Variants in JUP observed in about 807,000 individuals in gnomAD.
The protein encoded by JUP is catenin (cadherin-associated protein), gamma 80kDa.
In JUP, 28 loss-of-function variants were observed where a neutral mutation model predicts 71.1. The observed-to-expected ratio is 0.39, with a 90% CI of 0.29 to 0.54. JUP has a LOEUF of 0.54. Among genes scored for constraint, JUP ranks in the 20% least tolerant of loss-of-function variants. JUP has a pLI of 0.62. For synonymous variants in JUP, 401 were observed against 438.9 expected, an observed-to-expected ratio of 0.91 and a Z score of 1.08; for missense variants, 869 against 1,030.1, an observed-to-expected ratio of 0.84 and a Z score of 2.14.
intron 7 of JUP, 74 bp from the exon 8 acceptor site, chr17:41,763,395 G>A: frequency 2.6e-6 from 3 of 1,142,114 alleles, no homozygotes; most frequent in South Asian, 2.6e-5. Flanking sequence ...ATGTCCAAGG[G>A]GAGTGGGATG....
At chr17:41,756,414 T>C (rs944384962) in intron 12 of JUP, among the ~76,000 whole-genome samples, 200 bp from the exon 13 acceptor site, 1 of 150,658 alleles carries the variant, frequency 6.6e-6, no homozygotes, top group Non-Finnish European at 1.5e-5. Context: ...CTGGCCAACA[T>C]GGTGAAACCC....
chr17:41,783,073 G>T (rs2047249346), intron 1 of JUP, among the ~76,000 whole-genome samples: 2 of 150,208 alleles, frequency 1.3e-5, no homozygotes, highest in Non-Finnish European at 2.9e-5. Context: ...CTCCAGCCTG[G>T]GTGGCAGAGC....
Position 41,758,499 on chromosome 17 carries a change from T to G in JUP, c.1673A>C (p.Glu558Ala). Residue 558 changes from glutamate to alanine, a missense_variant, in exon 10 of 14, where the codon GAG becomes GCG. Physicochemically the swap from Glu to Ala is moderately radical, Grantham distance 107 (BLOSUM62 -1). Transcript: ENST00000393931. ...QPYTDGVRME[E>A]IVEGCTGALH... ...TGCTCCGGTGCAGCCCTCCACAATCTCCTCCATCCTCACACCATCCTGTGT... is the reference window on the plus strand; with the variant it reads ...TGCTCCGGTGCAGCCCTCCACAATCGCCTCCATCCTCACACCATCCTGTGT... 1.2e-6 allele frequency: 2 copies of G among 1,612,574 alleles called. No individual in the cohort carries two copies. Among genetic ancestry groups the G allele is most frequent in the Non-Finnish European group, 1.7e-6 (2 of 1,178,850 alleles).
chr17:41,758,376 C>T (rs782819906), intron 10 of JUP, 23 bp downstream of exon 10: 6 of 1,612,272 alleles, frequency 3.7e-6, no homozygotes, highest in Middle Eastern at 2.1e-4. Context: ...GGGACCTCTC[C>T]TGCCCACCTG....
intron 7 of JUP, among the ~76,000 whole-genome samples, chr17:41,764,268 C>G (rs552585528): frequency 6.6e-6 from 1 of 152,210 alleles, no homozygotes; most frequent in Non-Finnish European, 1.5e-5. Context: ...GATGTGGTGG[C>G]TCACGCCTGT....
At chr17:41,772,377 T>C (rs1916812393) in intron 1 of JUP, 1 of 242,940 alleles carries the variant, frequency 4.1e-6, no homozygotes. Flanking sequence ...CAGGTTTCTC[T>C]GGAGCGCCCC....
chr17:41,775,059 C>A (rs542575516), intron 1 of JUP, among the ~76,000 whole-genome samples: 1 of 151,216 alleles, frequency 6.6e-6, no homozygotes, highest in Non-Finnish European at 1.5e-5. Context: ...GCCGAGACTG[C>A]GCCACTGCAC....
intron 1 of JUP, among the ~76,000 whole-genome samples, chr17:41,781,328 C>A (rs2047153009): frequency 6.6e-6 from 1 of 150,936 alleles, no homozygotes; most frequent in African/African-American, 2.4e-5. Flanking sequence ...ACACTCCAGT[C>A]TGGGTGACAG....
intron 1 of JUP, chr17:41,786,324 G>C (rs1555611750): frequency 6.6e-6 from 1 of 152,258 alleles, no homozygotes; most frequent in Admixed American, 6.5e-5. Flanking sequence ...GGGCCCCGGG[G>C]GAGGCGCGAC....
chr17:41,776,441 C>A (rs1201957102), intron 1 of JUP, among the ~76,000 whole-genome samples: 1 of 152,224 alleles, frequency 6.6e-6, no homozygotes, highest in Non-Finnish European at 1.5e-5. Context: ...AGCCAGCTGG[C>A]GCAGTGGCTC....
intron 5 of JUP, among the ~76,000 whole-genome samples, chr17:41,765,670 G>T (rs2143615167): frequency 6.6e-6 from 1 of 152,202 alleles, no homozygotes; most frequent in African/African-American, 2.4e-5. Context: ...ATAGTTTCAT[G>T]ACTGTTATGT....
chr17:41,762,152 AGAGAGAGAGAGAGAGAGAGAGAGAGTGT>A (rs1234066297), intron 8 of JUP, among the ~76,000 whole-genome samples: 29 of 114,462 alleles, frequency 2.5e-4, no homozygotes, highest in Non-Finnish European at 4.4e-4. Context: ...AGAGAGAGAG[AGAGAGAGAGAGAGAGAGAGAGAGAGTGT>A]GTGTGTGTGT....
Position 41,755,747 on chromosome 17 carries a change from G to T in JUP, c.2235C>A (p.Ala745=). 1 of 1,586,424 alleles carries T rather than the reference G, an allele frequency of 6.3e-7. No homozygotes were observed. Among genetic ancestry groups the T allele is most frequent in the Non-Finnish European group, 8.6e-7 (1 of 1,162,488 alleles). Residue 745 remains alanine, a synonymous_variant, in exon 14 of 14, where the codon GCC becomes GCA. Coordinates refer to ENST00000393931, the MANE Select transcript of JUP (RefSeq NM_002230.4). Reference sequence around the variant, plus strand: ...GGCCGTACTGGGGCCAGGCCGCCTAGGCCAGCATGTGGTCTGCAGTGGGGT... The same window carrying T: ...GGCCGTACTGGGGCCAGGCCGCCTATGCCAGCATGTGGTCTGCAGTGGGGT... The part of the protein sequence containing the change: ...PPYPTADHML[A]
In JUP at chr17:41,771,771, C is replaced by A; in HGVS notation, c.84G>T (p.Ser28=). The stretch of plus-strand genomic sequence containing the variant: ...CGGAGGGCACGCAGGTGTTGGCGCC[C>A]GAGTGGATACCCGAGTCGTAGGTGT... ...QTYTYDSGIH[S]GANTCVPSVS... is the part of the protein sequence containing the mutation. Residue 28 remains serine, a synonymous_variant, in exon 2 of 14, where the codon TCG becomes TCT. Coordinates refer to ENST00000393931, the MANE Select transcript of JUP (RefSeq NM_002230.4). The A allele has an allele frequency of 6.2e-7, 1 of 1,614,088 alleles. No homozygotes were observed. Among genetic ancestry groups the A allele is most frequent in the Non-Finnish European group, 8.5e-7 (1 of 1,180,008 alleles).
At chr17:41,773,811 A>G (rs1412062383) in intron 1 of JUP, among the ~76,000 whole-genome samples, 3 of 152,138 alleles carry the variant, frequency 2.0e-5, no homozygotes, top group African/African-American at 4.8e-5. Flanking sequence ...CCCAAGAGAG[A>G]GCAGAGGAGA....
At chr17:41,785,556 C>G (rs1398178530) in intron 1 of JUP, among the ~76,000 whole-genome samples, 1 of 152,180 alleles carries the variant, frequency 6.6e-6, no homozygotes, top group African/African-American at 2.4e-5. Flanking sequence ...CCAGGTTCAG[C>G]CAGGGGCCGG....
At chr17:41,757,325 T>C (rs1370070480) in intron 12 of JUP, 90 bp downstream of exon 12, 2 of 1,359,538 alleles carry the variant, frequency 1.5e-6, no homozygotes, top group African/African-American at 1.4e-5. Flanking sequence ...TCTATGAAGT[T>C]GACAGTAGTA....
At chr17:41,779,151 G>A (rs1332657665) in intron 1 of JUP, among the ~76,000 whole-genome samples, 4 of 150,828 alleles carry the variant, frequency 2.7e-5, no homozygotes, top group African/African-American at 7.3e-5. Context: ...CAGGAGAATC[G>A]CTTGAAACCA....
chr17:41,772,873 C>T, intron 1 of JUP: 2 of 985,484 alleles, frequency 2.0e-6, no homozygotes, highest in Non-Finnish European at 2.4e-6. Context: ...GAACTTCCCG[C>T]TTGGTCTGTG....
Sources: gnomAD v4.1 joint callset for allele counts (sites outside exome capture counted in the v4.1 genomes callset) on GRCh38, gnomAD v4.1.1 for gene constraint, MANE v1.5 for transcripts, NCBI Gene and HGNC (gene_info 2026-07-23, HGNC 2026-07-21) for gene names.